The following AKTIP variants were observed in gnomAD, a reference collection of about 807,000 sequenced individuals.
The protein encoded by AKTIP is AKT-interacting protein.
A neutral mutation model predicts 39.1 loss-of-function variants in AKTIP; 16 were observed. The ratio of observed to expected loss-of-function variants is 0.41; its 90% CI spans 0.28 to 0.62. AKTIP has a LOEUF of 0.62. AKTIP is among the 20% of genes least tolerant of loss of function. The pLI is 0.32. For synonymous variants in AKTIP, 93 were observed against 124.3 expected (o/e 0.75, Z 1.67); for missense variants, 262 against 356.6 (o/e 0.73, Z 2.14).
chr16:53,494,889 A>G, intron 5 of AKTIP, 184 bp downstream of exon 5: 1 of 745,242 alleles, frequency 1.3e-6, no homozygotes, highest in Non-Finnish European at 2.4e-6. Context: ...GCAGACCCTG[A>G]GCAGAGAAAC....
At chr16:53,503,276 CCT>C (rs1388496637), upstream of AKTIP, 1 of 149,196 alleles carries the variant, frequency 6.7e-6, no homozygotes, top group African/African-American at 2.5e-5. Flanking sequence ...CCTGCCCTGC[CCT>C]GCCCTCGGCA....
chr16:53,496,008 A>G (rs373539423), intron 3 of AKTIP, among the ~76,000 whole-genome samples: 26 of 152,272 alleles, frequency 1.7e-4, no homozygotes, highest in African/African-American at 6.0e-4. Flanking sequence ...GGTGCTGAAA[A>G]CAAGAAACGA....
At chr16:53,499,542 C>T (rs1004320877) in intron 2 of AKTIP, among the ~76,000 whole-genome samples, 2 of 150,560 alleles carry the variant, frequency 1.3e-5, no homozygotes, top group African/African-American at 4.9e-5. Context: ...TGCAAGCAAG[C>T]TTTGCCTCCT....
chr16:53,498,007 C>A (rs1307130035), intron 3 of AKTIP, among the ~76,000 whole-genome samples: 13 of 152,260 alleles, frequency 8.5e-5, no homozygotes, highest in Non-Finnish European at 2.9e-5. Flanking sequence ...CTGGGCCTCC[C>A]AAAGTGCTAG....
rs755048837 is a variant in AKTIP at position 53,495,274 on chromosome 16, G to A, written c.301C>T (p.Arg101Cys). The change falls in exon 4 of 10, where the codon CGC (arginine) becomes TGC (cysteine). Residue 101 changes from arginine (R) to cysteine (C), a missense_variant. By Grantham distance (180) the Arg-to-Cys change is radical. Coordinates refer to ENST00000394657, the MANE Select transcript of AKTIP (RefSeq NM_022476.4). Reference sequence around the variant, plus strand: ...ATCCTCATCTTACTTAATGCAGAGCGATAAGATGGCTGCACATAGACGCCT... The same window carrying A: ...ATCCTCATCTTACTTAATGCAGAGCAATAAGATGGCTGCACATAGACGCCT... Reference protein sequence around the residue: ...LPGVYVQPSYRSALMWFGVIF... With the variant: ...LPGVYVQPSYCSALMWFGVIF... 17 of 1,614,048 alleles carry A rather than the reference G, an allele frequency of 1.1e-5. No homozygotes were observed. Among genetic ancestry groups the A allele is most frequent in the African/African-American group, 5.3e-5 (4 of 74,924 alleles).
chr16:53,502,791 G>C (rs1045900091), intron 1 of AKTIP: 1 of 152,236 alleles, frequency 6.6e-6, no homozygotes, highest in Non-Finnish European at 1.5e-5. Flanking sequence ...CCAGTGGGGG[G>C]GCTCTGGGGC....
At position 53,492,487 on chromosome 16, in the gene AKTIP, A is replaced by G. The variant is rs143908805; in HGVS notation, c.804T>C (p.His268=). 5.0e-6 allele frequency: 8 copies of G among 1,613,954 alleles called. No individual in the cohort carries two copies. The Admixed American group carries it at 6.7e-5, about 13-fold the overall frequency. The change falls in exon 10 of 10, where the codon CAT becomes CAC. Residue 268 remains histidine, a synonymous_variant. Transcript: ENST00000394657. ...GCTTTACCCATGACAGGCCAGCAACATGAACACTTTTATTGTGCTGTTCTT... is the reference window on the plus strand; with the variant it reads ...GCTTTACCCATGACAGGCCAGCAACGTGAACACTTTTATTGTGCTGTTCTT... ...KPEEQHNKSV[H]VAGLSWVKPG...
chr16:53,500,303 ATCT>A lies in AKTIP; in HGVS notation c.-47_-45del, dbSNP rs1258305648. 2 of 1,603,680 alleles carry A rather than the reference ATCT, an allele frequency of 1.2e-6. No homozygotes were observed. The highest frequency in any genetic ancestry group is 1.1e-5 in the South Asian group (1 of 88,960). On this transcript the variant is annotated 5_prime_UTR_variant, in exon 2 of 10. Coordinates refer to ENST00000394657, the MANE Select transcript of AKTIP (RefSeq NM_022476.4). ...AGAAAGTCAGTGGTGTATCATCCAAATCTTCTGTCTTCGGCATTCACTTTACCT... is the reference window on the plus strand; with the variant it reads ...AGAAAGTCAGTGGTGTATCATCCAAATCTGTCTTCGGCATTCACTTTACCT...
rs1208517336 is a variant in AKTIP at position 53,500,316 on chromosome 16, G to A, written c.-57C>T. The A allele has an allele frequency of 3.6e-5, 57 of 1,595,798 alleles. No homozygotes were observed. The highest frequency in any genetic ancestry group is 1.2e-4 in the African/African-American group (9 of 73,656). ...TGTATCATCCAAATCTTCTGTCTTC[G>A]GCATTCACTTTACCTTAAAACAAGA... On this transcript the variant is annotated 5_prime_UTR_variant, in exon 2 of 10. Coordinates refer to ENST00000394657, the MANE Select transcript of AKTIP (RefSeq NM_022476.4).
intron 5 of AKTIP, 187 bp from the exon 6 acceptor site, chr16:53,494,792 G>A (rs768519161): frequency 4.4e-5 from 31 of 707,036 alleles, no homozygotes; most frequent in African/African-American, 1.3e-4. Context: ...GCAATGAAGC[G>A]GGGAAAACTC....
intron 1 of AKTIP, 131 bp downstream of exon 1, chr16:53,503,016 T>G (rs1962272480): frequency 2.0e-5 from 3 of 152,290 alleles, no homozygotes; most frequent in Admixed American, 6.5e-5. Context: ...CGTGTCCCAC[T>G]GCGGCCGCCG....
At chr16:53,497,486 C>T (rs937330972) in intron 3 of AKTIP, among the ~76,000 whole-genome samples, 4 of 152,310 alleles carry the variant, frequency 2.6e-5, no homozygotes, top group African/African-American at 9.6e-5. Context: ...CTTAAGCTGT[C>T]TCTTCTCCAA....
chr16:53,494,270 A>G (rs1402421168), intron 7 of AKTIP, 25 bp from the exon 8 acceptor site: 1 of 1,612,746 alleles, frequency 6.2e-7, no homozygotes, highest in South Asian at 1.1e-5. Flanking sequence ...TAAGTCAAAA[A>G]GTTACTAACT....
intron 3 of AKTIP, among the ~76,000 whole-genome samples, 162 bp downstream of exon 3, chr16:53,498,229 A>G (rs1298663685): frequency 1.3e-5 from 2 of 152,242 alleles, no homozygotes; most frequent in Admixed American, 1.3e-4. Context: ...TATCACCAGC[A>G]ATAGCCTATA....
rs1458758288 is a variant in AKTIP, at chr16:53,503,159, A to C, written c.-83T>G. The C allele has an allele frequency of 6.5e-6, 1 of 153,310 alleles. No homozygotes were observed. Among genetic ancestry groups the C allele is most frequent in the Non-Finnish European group, 1.4e-5 (1 of 68,984 alleles). The allele number at this position is 153,310 out of a possible 1,614,324, so 9.5% of individuals were successfully genotyped here. Reference sequence around the variant, plus strand: ...CAGTAAGCCTCACCCCAGTGCCTTCAATGCAGAGCTCCTGGCTGCCAAGCG... The same window carrying C: ...CAGTAAGCCTCACCCCAGTGCCTTCCATGCAGAGCTCCTGGCTGCCAAGCG... On this transcript the variant is annotated 5_prime_UTR_variant, in exon 1 of 10. It adds an upstream start codon to the 5' untranslated region. Coordinates refer to ENST00000394657, the MANE Select transcript of AKTIP (RefSeq NM_022476.4).
At chr16:53,497,937 C>T (rs1334323568) in intron 3 of AKTIP, among the ~76,000 whole-genome samples, 3 of 152,164 alleles carry the variant, frequency 2.0e-5, no homozygotes, top group Admixed American at 6.5e-5. Context: ...TTAGTAGAGA[C>T]GGGGTTTCAC....
chr16:53,492,827 T>G, intron 8 of AKTIP, 74 bp from the exon 9 acceptor site: 1 of 1,320,958 alleles, frequency 7.6e-7, no homozygotes, highest in Non-Finnish European at 1.1e-6. Context: ...TTTGCAGTTT[T>G]AAGCCAATTC....
At chr16:53,503,263 T>TGCCCTGCCCTGCCCCACCCC (rs1962300949), upstream of AKTIP, 1 of 24,986 alleles carries the variant, frequency 4.0e-5, no homozygotes, top group African/African-American at 1.8e-4. Context: ...CACCCCGCCC[T>TGCCCTGCCCTGCCCCACCCC]GCCCTGCCCT....
intron 3 of AKTIP, among the ~76,000 whole-genome samples, chr16:53,495,815 G>T (rs1239351925): frequency 6.6e-6 from 1 of 152,144 alleles, no homozygotes; most frequent in Non-Finnish European, 1.5e-5. Flanking sequence ...TTGGAATTGG[G>T]TCACAAAGTT....
Sources: gnomAD v4.1 joint callset for allele counts (sites outside exome capture counted in the v4.1 genomes callset) on GRCh38, gnomAD v4.1.1 for gene constraint, MANE v1.5 for transcripts, NCBI Gene and HGNC (gene_info 2026-07-23, HGNC 2026-07-21) for gene names.